Variants in LGALS3 observed in about 807,000 individuals in gnomAD.
The protein encoded by LGALS3 is galectin-3.
LGALS3 carries 18 observed loss-of-function variants against 20.7 expected under a neutral mutation model. The observed-to-expected ratio is 0.87, with a 90% CI of 0.60 to 1.29. The LOEUF (loss-of-function observed/expected upper bound fraction) is 1.29, where lower values mean the gene tolerates loss of function less well. Ranked by LOEUF, LGALS3 falls within the 50% of genes most tolerant of loss-of-function variation. The pLI is 0.00. For missense variants in LGALS3, 315 were observed against 314.7 expected (o/e 1.00, Z -0.01); for synonymous variants, 112 against 119.6 (o/e 0.94, Z 0.42).
intron 1 of LGALS3, chr14:55,137,159 A>C (rs529805297): frequency 3.7e-5 from 23 of 626,072 alleles, no homozygotes; most frequent in African/African-American, 3.6e-4. Flanking sequence ...AGTGTGACGG[A>C]AGTTTAAACT....
At chr14:55,142,464 G>T in intron 4 of LGALS3, 120 bp from the exon 5 acceptor site, 1 of 684,590 alleles carries the variant, frequency 1.5e-6, no homozygotes, top group East Asian at 2.7e-5. Flanking sequence ...TTTCCATTCA[G>T]AAAAATTTCC....
In LGALS3 at chr14:55,145,339, C is replaced by T. The variant is rs770334647; in HGVS notation, c.*68C>T. ...TACATGTGTAAAGGTTTCATGTTCA[C>T]TGTGAGTGAAAATTTTTACATTCAT... On this transcript the variant is annotated 3_prime_UTR_variant, in exon 6 of 6. Coordinates refer to ENST00000254301, the MANE Select transcript of LGALS3 (RefSeq NM_002306.4). 9.4e-6 allele frequency: 15 copies of T among 1,601,136 alleles called. No individual in the cohort carries two copies. The highest frequency in any genetic ancestry group is 1.3e-5 in the African/African-American group (1 of 74,716).
rs200440596 is a variant in LGALS3 at position 55,138,163 on chromosome 14, C to G, written c.137C>G (p.Pro46Arg). 367 of 1,605,552 alleles carry G rather than the reference C, an allele frequency of 2.3e-4. No homozygotes were observed. Among genetic ancestry groups the G allele is most frequent in the Middle Eastern group, 1.0e-3 (6 of 6,028 alleles). Residue 46 changes from proline to arginine, a missense_variant, in exon 3 of 6, where the codon CCC becomes CGC. Coordinates refer to ENST00000254301, the MANE Select transcript of LGALS3 (RefSeq NM_002306.4). The part of the protein sequence containing the change: ...YPGASYPGAY[P>R]GQAPPGAYPG... The stretch of plus-strand genomic sequence containing the variant: ...GGGGCTTCCTATCCTGGGGCCTACC[C>G]CGGGCAGGCACCCCCAGGGGCTTAT...
chr14:55,131,696 C>T (rs1881237039), intron 1 of LGALS3, among the ~76,000 whole-genome samples: 1 of 152,140 alleles, frequency 6.6e-6, no homozygotes, highest in Non-Finnish European at 1.5e-5. Flanking sequence ...TTGCTGTATA[C>T]TTCCAGTTCG....
Position 55,145,156 on chromosome 14 carries a change from T to C in LGALS3, c.638T>C (p.Val213Ala). The stretch of plus-strand genomic sequence containing the variant: ...GAACCTGACCACTTCAAGGTTGCAG[T>C]GAATGATGCTCACTTGTTGCAGTAC... ...LVEPDHFKVA[V>A]NDAHLLQYNH... The change falls in exon 6 of 6, where the codon GTG becomes GCG. Residue 213 changes from valine (V) to alanine (A), a missense_variant. Coordinates refer to ENST00000254301, the MANE Select transcript of LGALS3 (RefSeq NM_002306.4). 1 of 1,614,050 alleles carries C rather than the reference T, an allele frequency of 6.2e-7. No homozygotes were observed. The highest frequency in any genetic ancestry group is 8.5e-7 in the Non-Finnish European group (1 of 1,179,954).
At chr14:55,139,656 G>C (rs939713327) in intron 3 of LGALS3, among the ~76,000 whole-genome samples, 3 of 152,130 alleles carry the variant, frequency 2.0e-5, no homozygotes, top group African/African-American at 7.2e-5. Flanking sequence ...AAAGGTTTGG[G>C]TGATAGTTAA....
At position 55,138,051 on chromosome 14, in the gene LGALS3, G is replaced by A. The variant is rs771781176; in HGVS notation, c.25G>A (p.Asp9Asn). ...TGTATGTCTTTCTTTCCAGCTCCAT[G>A]ATGCGTTATCTGGGTCTGGAAACCC... MADNFSLHDALSGSGNPNP... is the reference protein window; with the variant it reads MADNFSLHNALSGSGNPNP... The change falls in exon 3 of 6, where the codon GAT becomes AAT. Residue 9 changes from aspartate to asparagine, a missense_variant. Transcript: ENST00000254301. The A allele has an allele frequency of 6.7e-7, 1 of 1,497,606 alleles. No homozygotes were observed. Among genetic ancestry groups the A allele is most frequent in the Admixed American group, 2.3e-5 (1 of 42,654 alleles). The allele number at this position is 1,497,606 out of a possible 1,614,324, so 92.8% of individuals were successfully genotyped here.
chr14:55,133,956 T>C (rs890139221), intron 1 of LGALS3, among the ~76,000 whole-genome samples: 5 of 152,264 alleles, frequency 3.3e-5, no homozygotes, highest in Non-Finnish European at 7.3e-5. Flanking sequence ...TTGGTTTTTA[T>C]TGAACCACGT....
In LGALS3 at chr14:55,129,601, G is replaced by T. The variant is rs1445172699; in HGVS notation, c.-5+301G>T. Among the ~76,000 whole-genome samples, 1 of 152,140 alleles carries T rather than the reference G, an allele frequency of 6.6e-6. No individual in the cohort carries two copies. Among genetic ancestry groups the T allele is most frequent in the African/African-American group, 2.4e-5 (1 of 41,436 alleles). ...GGCCACCTTCTGCGGAGCCTCGTGG[G>T]CTTCGCCGCCGTCGCACCTCCGCCG... On this transcript the variant is annotated intron_variant, in intron 1 of 5. Transcript: ENST00000254301. This position sits in a 1 kb window ranked among gnomAD's most constrained non-coding sequence, Gnocchi z 5.3.
At chr14:55,133,589 G>C (rs1881294569) in intron 1 of LGALS3, among the ~76,000 whole-genome samples, 1 of 152,110 alleles carries the variant, frequency 6.6e-6, no homozygotes, top group Admixed American at 6.5e-5. Flanking sequence ...AAATAGATAA[G>C]GTATGTGAAC....
chr14:55,144,713 C>T lies in LGALS3; in HGVS notation c.598-403C>T, dbSNP rs143363745. On this transcript the variant is annotated intron_variant, in intron 5 of 5. Coordinates refer to ENST00000254301, the MANE Select transcript of LGALS3 (RefSeq NM_002306.4). ...CAAGTAGCTGGGACTACAAGGTGCC[C>T]GCCACCACAATCAGCTAATTTTTTG... 4.1e-4 allele frequency among the ~76,000 whole-genome samples: 63 copies of T among 152,160 alleles called. 1 individual carries two copies. The East Asian group carries it at 7.9e-3, about 19-fold the overall frequency.
intron 3 of LGALS3, among the ~76,000 whole-genome samples, chr14:55,139,827 T>C (rs991635745): frequency 3.3e-5 from 5 of 152,300 alleles, no homozygotes; most frequent in Non-Finnish European, 4.4e-5. Context: ...GTATCTGCCA[T>C]ATGCAAAGCA....
intron 1 of LGALS3, among the ~76,000 whole-genome samples, chr14:55,134,364 A>G (rs1881318198): frequency 6.6e-6 from 1 of 152,220 alleles, no homozygotes; most frequent in Non-Finnish European, 1.5e-5. Context: ...GAGGTTCACA[A>G]TAAGCTCCTG....
chr14:55,140,232 A>C, intron 3 of LGALS3, 43 bp from the exon 4 acceptor site: 1 of 1,306,304 alleles, frequency 7.7e-7, no homozygotes, highest in East Asian at 2.3e-5. Context: ...TCCCCAAAGA[A>C]ACATGACTCC....
chr14:55,133,978 T>C (rs904485904), intron 1 of LGALS3, among the ~76,000 whole-genome samples: 8 of 152,232 alleles, frequency 5.3e-5, no homozygotes, highest in African/African-American at 9.6e-5. Flanking sequence ...TGTACATTCA[T>C]GTAGGGATAC....
At chr14:55,132,176 A>T (rs1462014213) in intron 1 of LGALS3, among the ~76,000 whole-genome samples, 1 of 152,266 alleles carries the variant, frequency 6.6e-6, no homozygotes, top group African/African-American at 2.4e-5. Flanking sequence ...ACAGCCGATT[A>T]AAATGGTCTG....
At chr14:55,142,845 C>A (rs796652006) in intron 5 of LGALS3, 96 bp downstream of exon 5, 1 of 984,970 alleles carries the variant, frequency 1.0e-6, no homozygotes, top group Non-Finnish European at 1.5e-6. Flanking sequence ...TTTTTATCAC[C>A]TCTCCTAAGG....
Position 55,137,407 on chromosome 14 carries a change from C to T in LGALS3, c.18+16C>T, listed in dbSNP as rs887109195. ...CAATTTTTCGGTAAGTGTTTTATGCCTGTTTCTTCCCCTTGATCAGCTCCA... is the reference window on the plus strand; with the variant it reads ...CAATTTTTCGGTAAGTGTTTTATGCTTGTTTCTTCCCCTTGATCAGCTCCA... On this transcript the variant is annotated intron_variant, in intron 2 of 5. Transcript: ENST00000254301. 3 of 1,614,110 alleles carry T rather than the reference C, an allele frequency of 1.9e-6. No homozygotes were observed. The highest frequency in any genetic ancestry group is 1.6e-4 in the Middle Eastern group (1 of 6,062).
At chr14:55,143,312 G>C in intron 5 of LGALS3, 1 of 234,834 alleles carries the variant, frequency 4.3e-6, no homozygotes, top group Non-Finnish European at 8.8e-6. Flanking sequence ...GTTGACTATA[G>C]AGTGGTGAAT....
Sources: gnomAD v4.1 joint callset for allele counts (sites outside exome capture counted in the v4.1 genomes callset) on GRCh38, gnomAD v4.1.1 for gene constraint, Gnocchi (gnomAD v3.1) non-coding constraint, MANE v1.5 for transcripts, NCBI Gene and HGNC (gene_info 2026-07-23, HGNC 2026-07-21) for gene names.